LARGE1: variants seen among roughly 807,000 people sequenced by gnomAD.
LARGE1 encodes LARGE xylosyl- and glucuronyltransferase 1.
A neutral mutation model predicts 87.6 loss-of-function variants in LARGE1; 43 were observed. That is an observed-to-expected ratio of 0.49 (90% CI 0.38 to 0.63). LARGE1 has a LOEUF of 0.63. Among genes scored for constraint, LARGE1 ranks in the 30% least tolerant of loss-of-function variants. The probability of loss-of-function intolerance (pLI) is 0.00; values close to 1 mark genes in which losing one functional copy is unlikely to be tolerated. For missense variants in LARGE1, 802 were observed against 1,000.2 expected, an observed-to-expected ratio of 0.80 and a Z score of 2.67; for synonymous variants, 434 against 394.6, an observed-to-expected ratio of 1.10 and a Z score of -1.18.
chr22:33,723,715 G>A (rs1180304999), intron 2 of LARGE1: 1 of 151,902 alleles, frequency 6.6e-6, no homozygotes, highest in Non-Finnish European at 1.5e-5. Context: ...CAGGCATTCT[G>A]AGCCCCCCTT....
At chr22:33,687,958 C>A (rs2081991751) in intron 2 of LARGE1, among the ~76,000 whole-genome samples, 1 of 152,170 alleles carries the variant, frequency 6.6e-6, no homozygotes, top group South Asian at 2.1e-4. Flanking sequence ...CCTCCCTAGA[C>A]CCACCACAAC....
chr22:33,449,514 C>T (rs1168932071), intron 6 of LARGE1, among the ~76,000 whole-genome samples: 3 of 152,214 alleles, frequency 2.0e-5, no homozygotes, highest in Non-Finnish European at 4.4e-5. Flanking sequence ...CAATCAAGCA[C>T]TCTGACTCCA....
chr22:33,430,273 C>T (rs1247188091), intron 7 of LARGE1, among the ~76,000 whole-genome samples: 1 of 152,142 alleles, frequency 6.6e-6, no homozygotes, highest in Admixed American at 6.5e-5. Context: ...TCAAAGGAGA[C>T]TGACAACCAT....
rs558963598 is a variant in LARGE1 at position 33,843,005 on chromosome 22, T to C, written c.-83+76990A>G. Among the ~76,000 whole-genome samples, 14 of 152,240 alleles carry C rather than the reference T, an allele frequency of 9.2e-5. 1 individual carries two copies. In the East Asian group the frequency reaches 2.7e-3, roughly 29 times the overall value. ...CCAAACAGGGCATCTGTTTTGTTCC[T>C]CTGGGGGGGTCCTGTCTATGTTGTT... On this transcript the variant is annotated intron_variant, in intron 1 of 14. Transcript: ENST00000397394.
At position 33,476,417 on chromosome 22, in the gene LARGE1, C is replaced by G. The variant is rs2069082185; in HGVS notation, c.788-44152G>C. On this transcript the variant is annotated intron_variant, in intron 6 of 14. Coordinates refer to ENST00000397394, the MANE Select transcript of LARGE1 (RefSeq NM_133642.5). ...ACCTATGACCTGGAAGCTCCGCCTA[C>G]TACTTCGACTTGTCCCTCCTTTCTG... is the stretch of plus-strand genomic sequence containing the variant. Among the ~76,000 whole-genome samples the G allele has an allele frequency of 2.0e-5, 3 of 152,214 alleles. No homozygotes were observed. In the South Asian group the frequency reaches 6.2e-4, roughly 32 times the overall value.
intron 1 of LARGE1, among the ~76,000 whole-genome samples, chr22:33,784,849 GA>G (rs2085548003): frequency 6.6e-6 from 1 of 150,524 alleles, no homozygotes; most frequent in South Asian, 2.1e-4. Context: ...TACACACATA[GA>G]CAGTTTATAT....
rs1315598331 is a variant in LARGE1 at position 33,838,348 on chromosome 22, T to A, written c.-82-76790A>T. ...CACTAGGATCTCAAAAAATGTGTTT[T>A]AAAAAATTGGACAGGTGTAGTGGCT... On this transcript the variant is annotated intron_variant, in intron 1 of 14. Coordinates refer to ENST00000397394, the MANE Select transcript of LARGE1 (RefSeq NM_133642.5). Among the ~76,000 whole-genome samples the A allele has an allele frequency of 2.6e-5, 4 of 152,292 alleles. No individual in the cohort carries two copies. In the South Asian group the frequency reaches 8.3e-4, roughly 32 times the overall value.
At chr22:33,126,956 T>TTTCCCCAAAG in the LARGE1 span, among the ~76,000 whole-genome samples, 137 of 152,356 alleles carry the variant, frequency 9.0e-4, no homozygotes, top group African/African-American at 2.9e-3. Flanking sequence ...AGGGGGATTT[T>TTTCCCCAAAG]GCTCTGTATT....
intron 2 of LARGE1, among the ~76,000 whole-genome samples, chr22:33,696,903 G>T (rs2082269608): frequency 6.6e-6 from 1 of 152,096 alleles, no homozygotes; most frequent in South Asian, 2.1e-4. Flanking sequence ...CAGTTCGAGT[G>T]AACTGCAGCA....
At chr22:33,550,758 A>C (rs896152517) in intron 6 of LARGE1, among the ~76,000 whole-genome samples, 5 of 152,236 alleles carry the variant, frequency 3.3e-5, no homozygotes, top group Non-Finnish European at 7.3e-5. Flanking sequence ...GTTTATCACA[A>C]CACTACTCAC....
chr22:33,753,390 C>T (rs546957212), intron 2 of LARGE1, among the ~76,000 whole-genome samples: 4 of 152,188 alleles, frequency 2.6e-5, no homozygotes, highest in South Asian at 2.1e-4. Flanking sequence ...CCAAGGAAAG[C>T]GGGCAGCCTC....
At chr22:33,567,206 A>T (rs1045842358) in intron 5 of LARGE1, among the ~76,000 whole-genome samples, 5 of 152,110 alleles carry the variant, frequency 3.3e-5, no homozygotes, top group Admixed American at 6.5e-5. Flanking sequence ...ATGATGTTAG[A>T]AAAAAATGTG....
chr22:33,801,839 T>C (rs914246610), intron 1 of LARGE1, among the ~76,000 whole-genome samples: 1 of 152,206 alleles, frequency 6.6e-6, no homozygotes, highest in Non-Finnish European at 1.5e-5. Flanking sequence ...TTTCCTCATA[T>C]GTAACACAGG....
At chr22:33,177,294 T>C (rs1922927860) in intron 11 of LARGE1, among the ~76,000 whole-genome samples, 1 of 152,118 alleles carries the variant, frequency 6.6e-6, no homozygotes, top group South Asian at 2.1e-4. Flanking sequence ...CCCCAGAACT[T>C]AAAATATAAT....
intron 11 of LARGE1, among the ~76,000 whole-genome samples, chr22:33,252,578 T>A (rs1927061292): frequency 1.3e-5 from 2 of 152,210 alleles, no homozygotes; most frequent in African/African-American, 4.8e-5. Context: ...TAGGAATTGT[T>A]CCCTTTGGCA....
intron 11 of LARGE1, among the ~76,000 whole-genome samples, chr22:33,215,721 C>T (rs1925171827): frequency 6.6e-6 from 1 of 152,156 alleles, no homozygotes; most frequent in African/African-American, 2.4e-5. Flanking sequence ...CTTTGGGAGG[C>T]CGAGACAAGT....
At chr22:33,833,837 G>A (rs1325453886) in intron 1 of LARGE1, among the ~76,000 whole-genome samples, 7 of 152,006 alleles carry the variant, frequency 4.6e-5, no homozygotes, top group African/African-American at 1.2e-4. Flanking sequence ...ACAGGCATGC[G>A]CCACCACGCC....
At chr22:33,821,517 G>A (rs995034926) in intron 1 of LARGE1, among the ~76,000 whole-genome samples, 1 of 152,124 alleles carries the variant, frequency 6.6e-6, no homozygotes, top group South Asian at 2.1e-4. Context: ...CTAATGAGAT[G>A]GTAAGGATGT....
At chr22:33,529,602 C>A (rs944124226) in intron 6 of LARGE1, among the ~76,000 whole-genome samples, 1 of 152,176 alleles carries the variant, frequency 6.6e-6, no homozygotes, top group African/African-American at 2.4e-5. Flanking sequence ...TGAATCACTT[C>A]CCCCATGCTG....
Sources: gnomAD v4.1 joint callset for allele counts (sites outside exome capture counted in the v4.1 genomes callset) on GRCh38, gnomAD v4.1.1 for gene constraint, MANE v1.5 for transcripts, NCBI Gene and HGNC (gene_info 2026-07-23, HGNC 2026-07-21) for gene names.